CCBE1: variants seen among roughly 807,000 people sequenced by gnomAD.
CCBE1 encodes the protein collagen and calcium-binding EGF domain-containing protein 1.
CCBE1 carries 37 observed loss-of-function variants against 50.0 expected under a neutral mutation model. The ratio of observed to expected loss-of-function variants is 0.74; its 90% CI spans 0.57 to 0.97. The LOEUF (loss-of-function observed/expected upper bound fraction) is 0.97, where lower values mean the gene tolerates loss of function less well. CCBE1 is among the 50% of genes least tolerant of loss of function. CCBE1 has a pLI of 0.00. For missense variants in CCBE1, 538 were observed against 523.8 expected (o/e 1.03, Z -0.26); for synonymous variants, 234 against 203.7 (o/e 1.15, Z -1.27).
chr18:59,645,968 T>C (rs947455479), intron 2 of CCBE1, among the ~76,000 whole-genome samples: 12 of 151,972 alleles, frequency 7.9e-5, no homozygotes, highest in African/African-American at 2.9e-4. Context: ...CAGACGGAGC[T>C]TGCAGTGAGC....
At chr18:59,597,428 C>G (rs1017295610) in intron 2 of CCBE1, among the ~76,000 whole-genome samples, 13 of 152,198 alleles carry the variant, frequency 8.5e-5, no homozygotes, top group African/African-American at 3.1e-4. Context: ...CACATACCTA[C>G]AGCTTCCTAT....
chr18:59,550,921 C>A (rs1310780592), intron 2 of CCBE1, among the ~76,000 whole-genome samples: 4 of 140,472 alleles, frequency 2.8e-5, no homozygotes. Flanking sequence ...AGGAGAATGG[C>A]ATGAACCCAG....
chr18:59,553,032 G>A (rs953509000), intron 2 of CCBE1, among the ~76,000 whole-genome samples: 35 of 152,230 alleles, frequency 2.3e-4, no homozygotes, highest in African/African-American at 8.2e-4. Flanking sequence ...GGTGTAAGAG[G>A]AGGAGGATCT....
rs910112106 is a variant in CCBE1 at position 59,430,972 on chromosome 18, A to G, written c.*4936T>C. ...ATAACTTTGTTATTAAGCATATACA[A>G]TCATAACAAAAGTACATCATAGTAT... On this transcript the variant is annotated 3_prime_UTR_variant, in exon 11 of 11. Transcript: ENST00000439986. 6.6e-6 allele frequency: 1 copy of G among 152,262 alleles called. No individual in the cohort carries two copies. Among genetic ancestry groups the G allele is most frequent in the African/African-American group, 2.4e-5 (1 of 41,478 alleles). The allele number at this position is 152,262 out of a possible 1,614,324, so 9.4% of individuals were successfully genotyped here.
At chr18:59,555,085 G>A (rs182736066) in intron 2 of CCBE1, among the ~76,000 whole-genome samples, 283 of 152,278 alleles carry the variant, frequency 1.9e-3, no homozygotes, top group African/African-American at 6.5e-3. Flanking sequence ...GCATGTATGT[G>A]TCCTTCATGT....
rs1295215610 is a variant in CCBE1, at chr18:59,591,171, G to A, written c.212+105458C>T. ...TGAGGCAGGAGAATGGCGTGAACCC[G>A]GGGGGCGGAGCTTGCAGTGAGCCGA... is the stretch of plus-strand genomic sequence containing the variant. On this transcript the variant is annotated intron_variant, in intron 2 of 10. Transcript: ENST00000439986. 7.9e-5 allele frequency among the ~76,000 whole-genome samples: 5 copies of A among 63,072 alleles called. 1 individual carries two copies. Among genetic ancestry groups the A allele is most frequent in the East Asian group, 1.7e-3 (2 of 1,178 alleles). 41.4% of individuals were successfully genotyped at this position (63,072 alleles called of 152,430 possible).
In CCBE1 at chr18:59,595,114, C is replaced by CAAAAAAAAAAAAAAAAAAAAAAAAAAAAA. The variant is rs546035209; in HGVS notation, c.212+101514_212+101515insTTTTTTTTTTTTTTTTTTTTTTTTTTTTT. 2.2e-4 allele frequency among the ~76,000 whole-genome samples: 16 copies of CAAAAAAAAAAAAAAAAAAAAAAAAAAAAA among 73,564 alleles called. 1 individual carries two copies. The highest frequency in any genetic ancestry group is 6.7e-4 in the African/African-American group (15 of 22,486). 48.3% of individuals were successfully genotyped at this position (73,564 alleles called of 152,430 possible). ...CTGGCAACAGAGCGAGACTCTGTCT[C>CAAAAAAAAAAAAAAAAAAAAAAAAAAAAA]AAAAAAAAAAAAAAAAAAATCCATT... is the stretch of plus-strand genomic sequence containing the variant. On this transcript the variant is annotated intron_variant, in intron 2 of 10. Coordinates refer to ENST00000439986, the MANE Select transcript of CCBE1 (RefSeq NM_133459.4).
intron 2 of CCBE1, among the ~76,000 whole-genome samples, chr18:59,626,260 C>T (rs968137870): frequency 6.6e-6 from 1 of 152,178 alleles, no homozygotes; most frequent in Non-Finnish European, 1.5e-5. Context: ...ATTTATGGAA[C>T]CCCACAGTAA....
At chr18:59,451,797 C>T (rs1412936209) in intron 6 of CCBE1, among the ~76,000 whole-genome samples, 1 of 152,050 alleles carries the variant, frequency 6.6e-6, no homozygotes, top group Non-Finnish European at 1.5e-5. Context: ...TGCATATGTA[C>T]CCCAGAAATT....
In CCBE1 at chr18:59,545,117, G is replaced by A. The variant is rs538888560; in HGVS notation, c.213-64879C>T. On this transcript the variant is annotated intron_variant, in intron 2 of 10. Transcript: ENST00000439986. ...AAATAAGCTGAAGAGAGCCTAGAGG[G>A]CATAAAGAGAAAGGTTCCATGAGCA... 2.6e-5 allele frequency among the ~76,000 whole-genome samples: 4 copies of A among 152,294 alleles called. No homozygotes were observed. The East Asian group carries it at 5.8e-4, about 22-fold the overall frequency.
chr18:59,697,511 G>A (rs2054828719), upstream of CCBE1: 2 of 862,656 alleles, frequency 2.3e-6, no homozygotes, highest in Non-Finnish European at 3.5e-6. Flanking sequence ...GGGGCTGGGG[G>A]GAAAATGAGG....
intron 2 of CCBE1, among the ~76,000 whole-genome samples, chr18:59,655,274 T>A (rs1053875856): frequency 6.6e-6 from 1 of 152,166 alleles, no homozygotes; most frequent in African/African-American, 2.4e-5. Context: ...AACATTAACA[T>A]GCTCCATTCA....
chr18:59,593,674 G>T (rs539299281), intron 2 of CCBE1, among the ~76,000 whole-genome samples: 1 of 152,214 alleles, frequency 6.6e-6, no homozygotes, highest in Non-Finnish European at 1.5e-5. Flanking sequence ...GTTTTGGCTT[G>T]AGTAGTCAAG....
At chr18:59,521,332 C>G (rs1385484481) in intron 2 of CCBE1, among the ~76,000 whole-genome samples, 1 of 152,222 alleles carries the variant, frequency 6.6e-6, no homozygotes, top group African/African-American at 2.4e-5. Context: ...GTACAGACTT[C>G]CCTGGTTCTT....
At chr18:59,481,671 T>C (rs1178802844) in intron 2 of CCBE1, among the ~76,000 whole-genome samples, 1 of 152,194 alleles carries the variant, frequency 6.6e-6, no homozygotes, top group Non-Finnish European at 1.5e-5. Flanking sequence ...ATGACATCCT[T>C]TGAGTGCTGA....
intron 2 of CCBE1, among the ~76,000 whole-genome samples, chr18:59,516,096 T>A (rs1458673665): frequency 6.6e-6 from 1 of 152,126 alleles, no homozygotes; most frequent in Non-Finnish European, 1.5e-5. Context: ...ATAACTGGGA[T>A]TGCATGCATG....
At chr18:59,654,601 G>C (rs1185190819) in intron 2 of CCBE1, among the ~76,000 whole-genome samples, 3 of 151,736 alleles carry the variant, frequency 2.0e-5, no homozygotes, top group Non-Finnish European at 4.4e-5. Context: ...TCCAGCCTGG[G>C]TGACAGAATG....
At chr18:59,647,975 G>A (rs1450023406) in intron 2 of CCBE1, among the ~76,000 whole-genome samples, 1 of 152,108 alleles carries the variant, frequency 6.6e-6, no homozygotes, top group Non-Finnish European at 1.5e-5. Flanking sequence ...GTCTTCTCCA[G>A]TCTATCTCAG....
chr18:59,601,938 T>C (rs2053439737), intron 2 of CCBE1, among the ~76,000 whole-genome samples: 2 of 152,168 alleles, frequency 1.3e-5, no homozygotes, highest in African/African-American at 2.4e-5. Context: ...ACTTTGCCCA[T>C]CTTTAAATGA....
Sources: gnomAD v4.1 joint callset for allele counts (sites outside exome capture counted in the v4.1 genomes callset) on GRCh38, gnomAD v4.1.1 for gene constraint, MANE v1.5 for transcripts, NCBI Gene and HGNC (gene_info 2026-07-23, HGNC 2026-07-21) for gene names.